SLC12A5: variants seen among roughly 807,000 people sequenced by gnomAD.
The protein encoded by SLC12A5 is K-Cl cotransporter 2.
In SLC12A5, 18 loss-of-function variants were observed where a neutral mutation model predicts 124.0. The observed-to-expected ratio is 0.15, with a 90% CI of 0.10 to 0.22. The LOEUF is 0.22. SLC12A5 is among the 10% of genes least tolerant of loss of function. The probability of loss-of-function intolerance (pLI) is 1.00; values close to 1 mark genes in which losing one functional copy is unlikely to be tolerated. For missense variants in SLC12A5, 867 were observed against 1,478.7 expected, an observed-to-expected ratio of 0.59 and a Z score of 6.78; for synonymous variants, 589 against 568.0, an observed-to-expected ratio of 1.04 and a Z score of -0.53.
In SLC12A5 at chr20:46,051,888, T is replaced by C; in HGVS notation, c.2377+18T>C. The stretch of plus-strand genomic sequence containing the variant: ...CTTCATTGGTAACGCTATTGGGGGC[T>C]GGGGACAGAAGAGGGGTGGGGCTGG... On this transcript the variant is annotated intron_variant, in intron 18 of 25. Coordinates refer to ENST00000243964, the MANE Select transcript of SLC12A5 (RefSeq NM_020708.5). 2 of 340,858 alleles carry C rather than the reference T, an allele frequency of 5.9e-6. No individual in the cohort carries two copies. The highest frequency in any genetic ancestry group is 8.9e-6 in the Non-Finnish European group (2 of 225,976). 21.1% of individuals were successfully genotyped at this position (340,858 alleles called of 1,614,324 possible). A position where few individuals can be genotyped will look rare whatever the true frequency, so the allele number is the denominator to read the frequency against.
intron 7 of SLC12A5, chr20:46,040,846 G>T (rs928170240): frequency 3.3e-6 from 2 of 609,940 alleles, no homozygotes; most frequent in Admixed American, 6.5e-5. Flanking sequence ...ACTTCTTGCT[G>T]GTAGGGTGGA....
chr20:46,029,470 CG>C, intron 1 of SLC12A5, 74 bp downstream of exon 1: 1 of 1,462,812 alleles, frequency 6.8e-7, no homozygotes, highest in Non-Finnish European at 9.2e-7. Flanking sequence ...AGAGGCGGAG[CG>C]GGGGCCACCT....
rs755363281 is a variant in SLC12A5 at position 46,056,414 on chromosome 20, C to T, written c.2960C>T (p.Pro987Leu). 3.8e-5 allele frequency: 61 copies of T among 1,613,418 alleles called. 1 individual carries two copies. In the East Asian group the frequency reaches 6.0e-4, roughly 16 times the overall value. Residue 987 changes from proline (P) to leucine (L), a missense_variant, in exon 23 of 26, where the codon CCG becomes CTG. Coordinates refer to ENST00000243964, the MANE Select transcript of SLC12A5 (RefSeq NM_020708.5). This position sits in a 1 kb window ranked among gnomAD's most constrained non-coding sequence, Gnocchi z 4.3. ...GCTCCCAGCTGCCCCAGCAGCTCCC[C>T]GTCCCCAGGGGAGGAGCCTGAGGGG... ...QSAPSCPSSSPSPGEEPEGEG... is the reference protein window; with the variant it reads ...QSAPSCPSSSLSPGEEPEGEG...
rs1312987682 is a variant in SLC12A5, at chr20:46,045,512, C to A, written c.1570-366C>A. Among the ~76,000 whole-genome samples, 1 of 151,804 alleles carries A rather than the reference C, an allele frequency of 6.6e-6. No homozygotes were observed. Among genetic ancestry groups the A allele is most frequent in the African/African-American group, 2.4e-5 (1 of 41,278 alleles). On this transcript the variant is annotated intron_variant, in intron 12 of 25. Coordinates refer to ENST00000243964, the MANE Select transcript of SLC12A5 (RefSeq NM_020708.5). This position sits in a 1 kb window ranked among gnomAD's most constrained non-coding sequence, Gnocchi z 4.9. The stretch of plus-strand genomic sequence containing the variant: ...GTGGTTGGTCGGAGACCTGGGGAGG[C>A]AGTCAAAGGGCAAGAAAAGGGTAGC...
intron 13 of SLC12A5, 21 bp from the exon 14 acceptor site, chr20:46,046,317 T>G (rs2084595213): frequency 6.2e-7 from 1 of 1,609,042 alleles, no homozygotes; most frequent in Non-Finnish European, 8.5e-7. Context: ...CTGTCTCCCC[T>G]GGGGCCTTCC....
Position 46,057,206 on chromosome 20 carries a change from G to C in SLC12A5, c.3162G>C (p.Val1054=), listed in dbSNP as rs776834480. Residue 1054 remains valine, a synonymous_variant, in exon 25 of 26, where the codon GTG becomes GTC. Coordinates refer to ENST00000243964, the MANE Select transcript of SLC12A5 (RefSeq NM_020708.5). This position sits in a 1 kb window ranked among gnomAD's most constrained non-coding sequence, Gnocchi z 7.1. ...QSNVRRMHTA[V]RLNEVIVKKS... is the part of the protein sequence containing the mutation. ...ACGTGCGGCGCATGCACACGGCCGTGCGGCTGAACGAGGTCATCGTGAAGA... is the reference window on the plus strand; with the variant it reads ...ACGTGCGGCGCATGCACACGGCCGTCCGGCTGAACGAGGTCATCGTGAAGA... 2 of 1,614,210 alleles carry C rather than the reference G, an allele frequency of 1.2e-6. No individual in the cohort carries two copies. Among genetic ancestry groups the C allele is most frequent in the East Asian group, 2.2e-5 (1 of 44,880 alleles).
In SLC12A5 at chr20:46,047,990, G is replaced by A. The variant is rs1318469514; in HGVS notation, c.1917G>A (p.Lys639=). Reference sequence around the variant, plus strand: ...ACTTCCCGGCTCCCAGGGCAGAGAAGGAGTGGGGCGATGGGATACGAGGTC... The same window carrying A: ...ACTTCCCGGCTCCCAGGGCAGAGAAAGAGTGGGGCGATGGGATACGAGGTC... The part of the protein sequence containing the change: ...YKYIEYRGAE[K]EWGDGIRGLS... Residue 639 remains lysine, a synonymous_variant, in exon 16 of 26, where the codon AAG becomes AAA. Transcript: ENST00000243964. 1 of 1,610,834 alleles carries A rather than the reference G, an allele frequency of 6.2e-7. No homozygotes were observed.
Position 46,043,691 on chromosome 20 carries a change from C to T in SLC12A5, c.1296C>T (p.Pro432=). The change falls in exon 10 of 26, where the codon CCC becomes CCT. Residue 432 remains proline (P), a synonymous_variant. Transcript: ENST00000243964. ...TGAGGGATGCCCAGAAGTCAATCCC[C>T]ACTGGCACCATCCTGGCCATCGCCA... ...GDLRDAQKSI[P]TGTILAIATT... The T allele has an allele frequency of 6.2e-7, 1 of 1,614,126 alleles. No individual in the cohort carries two copies. Among genetic ancestry groups the T allele is most frequent in the African/African-American group, 1.3e-5 (1 of 75,024 alleles).
At chr20:46,044,124 G>T (rs572724164) in intron 11 of SLC12A5, among the ~76,000 whole-genome samples, 191 bp downstream of exon 11, 1 of 152,298 alleles carries the variant, frequency 6.6e-6, no homozygotes, top group South Asian at 2.1e-4. Flanking sequence ...GAGAAGCTTG[G>T]ATGGTGTCTC....
chr20:46,023,592 C>T (rs956280718), downstream of SLC12A5: 64 of 397,364 alleles, frequency 1.6e-4, no homozygotes, highest in Non-Finnish European at 2.5e-4. Flanking sequence ...GTCTGTCATT[C>T]TCTTTCCTCA....
At position 46,040,450 on chromosome 20, in the gene SLC12A5, G is replaced by A; in HGVS notation, c.690G>A (p.Met230Ile). ...AGGCAGCAGCCATGCTGAACAACAT[G>A]CGTGTTTACGGCACCTGTGTGCTCA... ...SGEAAAMLNN[M>I]RVYGTCVLTC... Residue 230 changes from methionine to isoleucine, a missense_variant, in exon 7 of 26, where the codon ATG becomes ATA. Transcript: ENST00000243964. 6.2e-7 allele frequency: 1 copy of A among 1,614,250 alleles called. No individual in the cohort carries two copies. The highest frequency in any genetic ancestry group is 2.2e-5 in the East Asian group (1 of 44,890).
At position 46,045,820 on chromosome 20, in the gene SLC12A5, G is replaced by A. The variant is rs2084590112; in HGVS notation, c.1570-58G>A. On this transcript the variant is annotated intron_variant, in intron 12 of 25. Transcript: ENST00000243964. The surrounding 1 kb of genome is among the most constrained non-coding windows in gnomAD (Gnocchi z 4.9). The stretch of plus-strand genomic sequence containing the variant: ...CTACTCCACTGGTTCCCGAGGCTAG[G>A]GGAGAGGGCTGAGAAATCCTTGAGG... 1.4e-6 allele frequency: 2 copies of A among 1,433,734 alleles called. No individual in the cohort carries two copies. Among genetic ancestry groups the A allele is most frequent in the Admixed American group, 3.5e-5 (2 of 57,774 alleles). 88.8% of individuals were successfully genotyped at this position (1,433,734 alleles called of 1,614,324 possible). A position where few individuals can be genotyped will look rare whatever the true frequency, so the allele number is the denominator to read the frequency against.
intron 4 of SLC12A5, 135 bp downstream of exon 4, chr20:46,036,058 A>G (rs747622388): frequency 3.2e-5 from 36 of 1,134,082 alleles, no homozygotes; most frequent in African/African-American, 6.3e-5. Flanking sequence ...TTGAGAGTAA[A>G]TTAGGCCTGA....
At position 46,054,708 on chromosome 20, in the gene SLC12A5, G is replaced by T. The variant is rs185911502; in HGVS notation, c.2680-208G>T. The stretch of plus-strand genomic sequence containing the variant: ...TGCTGGGCTGAGGAGGGAATGAGCT[G>T]CCTGCCTTGCAAGAGCATTGCCCTC... On this transcript the variant is annotated intron_variant, in intron 20 of 25. Coordinates refer to ENST00000243964, the MANE Select transcript of SLC12A5 (RefSeq NM_020708.5). Among the ~76,000 whole-genome samples the T allele has an allele frequency of 3.3e-5, 5 of 152,300 alleles. No individual in the cohort carries two copies. In the East Asian group the frequency reaches 9.6e-4, roughly 29 times the overall value.
intron 5 of SLC12A5, 60 bp downstream of exon 5, chr20:46,036,855 C>T (rs1016389217): frequency 1.3e-6 from 2 of 1,599,326 alleles, no homozygotes; most frequent in Non-Finnish European, 1.7e-6. Context: ...GGATAGTGCC[C>T]TGGGCTTTGG....
In SLC12A5 at chr20:46,041,457, A is replaced by G. The variant is rs2084546554; in HGVS notation, c.983A>G (p.Asn328Ser). ...WGLFCSSRFLNATCDEYFTRN... is the reference protein window; with the variant it reads ...WGLFCSSRFLSATCDEYFTRN... The stretch of plus-strand genomic sequence containing the variant: ...CTTTTCTGCTCCTCTCGCTTCCTCA[A>G]CGCCACCTGTGATGAATACTTCACC... Residue 328 changes from asparagine to serine, a missense_variant, in exon 8 of 26, where the codon AAC becomes AGC. By Grantham distance (46) the Asn-to-Ser change is conservative. Around this residue, in one of 9 missense-constraint regions of SLC12A5, gnomAD observed 127 missense variants for 164.1 expected, o/e 0.77. Transcript: ENST00000243964. The G allele has an allele frequency of 6.2e-7, 1 of 1,613,976 alleles. No individual in the cohort carries two copies. The highest frequency in any genetic ancestry group is 1.3e-5 in the African/African-American group (1 of 74,896).
Position 46,034,970 on chromosome 20 carries a change from C to T in SLC12A5, c.75C>T (p.Ser25=). ...CAGGTGATGGCAACCCCAAGGAAAG[C>T]AGTCCCTTCATCAACAGCACCGACA... ...ANPGDGNPKE[S]SPFINSTDTE... is the part of the protein sequence containing the mutation. Residue 25 remains serine, a synonymous_variant, in exon 2 of 26, where the codon AGC becomes AGT. Coordinates refer to ENST00000243964, the MANE Select transcript of SLC12A5 (RefSeq NM_020708.5). The T allele has an allele frequency of 6.2e-7, 1 of 1,614,042 alleles. No individual in the cohort carries two copies. The highest frequency in any genetic ancestry group is 8.5e-7 in the Non-Finnish European group (1 of 1,179,932).
chr20:46,021,880 G>T (rs951494703), exon 1 of SLC12A5: 166 of 1,527,088 alleles, frequency 1.1e-4, no homozygotes, highest in Admixed American at 1.2e-4. Context: ...GGGGGAAGAC[G>T]TCAAAGGTAG....
At chr20:46,022,022 A>G in intron 1 of SLC12A5, 1 of 1,014,944 alleles carries the variant, frequency 9.9e-7, no homozygotes. Context: ...TGAGAGGGGA[A>G]TGGAGCCAGG....
Sources: gnomAD v4.1 joint callset for allele counts (sites outside exome capture counted in the v4.1 genomes callset) on GRCh38, gnomAD v4.1.1 for gene constraint, gnomAD v4.1.1 regional missense constraint, Gnocchi (gnomAD v3.1) non-coding constraint, MANE v1.5 for transcripts, NCBI Gene and HGNC (gene_info 2026-07-23, HGNC 2026-07-21) for gene names.